Variants in TMEM114 observed in about 807,000 individuals in gnomAD.
TMEM114 encodes the protein transmembrane protein 114, also known as claudin-26.
A neutral mutation model predicts 6.2 loss-of-function variants in TMEM114; 6 were observed. That is an observed-to-expected ratio of 0.97 (90% CI 0.53 to 1.91). The LOEUF is 1.91. Ranked by LOEUF, TMEM114 falls within the 40% of genes most tolerant of loss-of-function variation. The probability of loss-of-function intolerance (pLI) is 0.01; values close to 1 mark genes in which losing one functional copy is unlikely to be tolerated. For missense variants in TMEM114, 218 were observed against 158.3 expected (o/e 1.38, Z -2.02); for synonymous variants, 104 against 73.0 (o/e 1.42, Z -2.16).
At chr16:8,579,620 G>A (rs762323706) in intron 2 of TMEM114, among the ~76,000 whole-genome samples, 10 of 152,212 alleles carry the variant, frequency 6.6e-5, no homozygotes, top group Middle Eastern at 6.8e-3. Flanking sequence ...CCACATCATC[G>A]CTCAAAAGCC....
chr16:8,575,918 C>T (rs946074504), intron 2 of TMEM114, among the ~76,000 whole-genome samples: 3 of 152,126 alleles, frequency 2.0e-5, no homozygotes, highest in Admixed American at 1.3e-4. Flanking sequence ...GACCTGATTC[C>T]CATTCATCAA....
At chr16:8,544,456 G>T (rs11867018) in intron 2 of TMEM114, among the ~76,000 whole-genome samples, 25 of 151,944 alleles carry the variant, frequency 1.6e-4, no homozygotes, top group Middle Eastern at 3.2e-3. Context: ...TGGATATGTA[G>T]GGGTTCACCA....
Position 8,589,190 on chromosome 16 carries a change from A to G in TMEM114, c.301+23T>C, listed in dbSNP as rs1902407023. 7.5e-6 allele frequency: 3 copies of G among 398,420 alleles called. No individual in the cohort carries two copies. In the South Asian group the frequency reaches 3.8e-4, roughly 51 times the overall value. 24.7% of individuals were successfully genotyped at this position (398,420 alleles called of 1,614,324 possible). On this transcript the variant is annotated intron_variant, in intron 2 of 3. Transcript: ENST00000620492. ...CGGCTAGGACCGGGGCGCTCCCTCC[A>G]TCCTCACCCTCCCCGGACTCACTGA...
the TMEM114 span, among the ~76,000 whole-genome samples, chr16:8,530,158 C>G: frequency 5.9e-5 from 9 of 152,324 alleles, no homozygotes; most frequent in East Asian, 5.8e-4. Context: ...CCTCCAATTT[C>G]TCATCTCCTT....
chr16:8,558,546 C>T (rs1003367346), intron 2 of TMEM114, among the ~76,000 whole-genome samples: 1 of 152,198 alleles, frequency 6.6e-6, no homozygotes, highest in Non-Finnish European at 1.5e-5. Context: ...GTAAAGACCG[C>T]TTTTCCTAAG....
intron 2 of TMEM114, among the ~76,000 whole-genome samples, chr16:8,539,948 G>C (rs565712772): frequency 1.1e-3 from 163 of 152,182 alleles, no homozygotes; most frequent in Middle Eastern, 3.4e-3. Flanking sequence ...CTCTGGAATA[G>C]CTGGGATTAC....
chr16:8,547,081 C>T lies in TMEM114; in HGVS notation n.213-9255G>A, dbSNP rs950176137. Among the ~76,000 whole-genome samples, 3 of 152,176 alleles carry T rather than the reference C, an allele frequency of 2.0e-5. No homozygotes were observed. In the East Asian group the frequency reaches 5.8e-4, roughly 29 times the overall value. ...ATAATGGTTGCTGCAGGTAAGTGTC[C>T]TCAGGCTCTTTTCCAGAATTCTGTT... On this transcript the variant is annotated intron_variant and non_coding_transcript_variant, in intron 2 of 2. Transcript: ENST00000623677.
At chr16:8,572,383 C>A (rs753434037) in intron 2 of TMEM114, 159 bp from the exon 3 acceptor site, 1 of 783,276 alleles carries the variant, frequency 1.3e-6, no homozygotes, top group Non-Finnish European at 2.1e-6. Context: ...TGATGATGAC[C>A]ATGACAACAG....
downstream of TMEM114, among the ~76,000 whole-genome samples, chr16:8,566,234 G>A (rs1901538951): frequency 6.6e-6 from 1 of 152,132 alleles, no homozygotes; most frequent in Admixed American, 6.5e-5. Flanking sequence ...GCCAGGCATG[G>A]TGCATGGTGG....
At chr16:8,570,976 T>C (rs745715058) in intron 3 of TMEM114, among the ~76,000 whole-genome samples, 9 of 152,234 alleles carry the variant, frequency 5.9e-5, no homozygotes, top group Non-Finnish European at 1.2e-4. Context: ...CGAGAATTTG[T>C]CACTGGGTGA....
chr16:8,575,038 T>A (rs1450980699), intron 2 of TMEM114, among the ~76,000 whole-genome samples: 1 of 152,202 alleles, frequency 6.6e-6, no homozygotes, highest in East Asian at 1.9e-4. Flanking sequence ...TTGGGGAAGA[T>A]AGTCCCCTTT....
chr16:8,565,321 T>C (rs1242513653), downstream of TMEM114, among the ~76,000 whole-genome samples: 1 of 151,836 alleles, frequency 6.6e-6, no homozygotes, highest in Non-Finnish European at 1.5e-5. Context: ...AAGCAATGAG[T>C]GAGTAAATGA....
At chr16:8,558,440 C>T (rs1168440750) in intron 2 of TMEM114, among the ~76,000 whole-genome samples, 4 of 151,974 alleles carry the variant, frequency 2.6e-5, no homozygotes, top group African/African-American at 9.7e-5. Flanking sequence ...TGTATCTCTC[C>T]ATCCTCACAT....
chr16:8,531,473 A>G, the TMEM114 span, among the ~76,000 whole-genome samples: 1 of 152,224 alleles, frequency 6.6e-6, no homozygotes, highest in East Asian at 1.9e-4. Context: ...GAGAGTTATC[A>G]CAAGGGAAGC....
At chr16:8,537,784 T>C (rs1179011452) in exon 3 of TMEM114, 1 of 152,140 alleles carries the variant, frequency 6.6e-6, no homozygotes, top group Non-Finnish European at 1.5e-5. Context: ...TGATTGACTG[T>C]TAATAATTCA....
intron 2 of TMEM114, among the ~76,000 whole-genome samples, chr16:8,574,380 G>T (rs1314648898): frequency 6.6e-6 from 1 of 152,114 alleles, no homozygotes; most frequent in African/African-American, 2.4e-5. Flanking sequence ...TAATAAAGAT[G>T]ATGGTGATAA....
chr16:8,585,039 G>A (rs1050061667), intron 2 of TMEM114, among the ~76,000 whole-genome samples: 2 of 152,132 alleles, frequency 1.3e-5, no homozygotes, highest in Non-Finnish European at 2.9e-5. Context: ...AGTTCCACAT[G>A]GCTGGGGAGG....
chr16:8,551,105 C>T (rs2141658883), intron 2 of TMEM114, among the ~76,000 whole-genome samples: 1 of 152,324 alleles, frequency 6.6e-6, no homozygotes, highest in East Asian at 1.9e-4. Flanking sequence ...AGGAAACGTG[C>T]TGCGGTCTCT....
rs537405119 is a variant in TMEM114, at chr16:8,563,901, ATGAG to A, written n.212+25308_212+25311del. On this transcript the variant is annotated intron_variant and non_coding_transcript_variant, in intron 2 of 2. Coordinates refer to the TMEM114 transcript ENST00000623677. ...AGTGAGTGAATTAGTGAGTGAATGA[ATGAG>A]TGAGTGAGGGAATGAGTAAATGAGT... 9.6e-3 allele frequency among the ~76,000 whole-genome samples: 1,286 copies of A among 133,882 alleles called. 10 individuals are homozygous for A. The highest frequency in any genetic ancestry group is 0.032 in the South Asian group (124 of 3,836). The allele number at this position is 133,882 out of a possible 152,430, so 87.8% of individuals were successfully genotyped here.
Sources: allele counts gnomAD v4.1 joint callset (sites outside exome capture counted in the v4.1 genomes callset), GRCh38; gene constraint gnomAD v4.1.1; transcripts MANE v1.5; gene names NCBI Gene and HGNC (gene_info 2026-07-23, HGNC 2026-07-21).